The following PALM2AKAP2 variants were observed in gnomAD, a reference collection of about 807,000 sequenced individuals.
PALM2AKAP2 encodes PALM2 and AKAP2 fusion.
In PALM2AKAP2, 37 loss-of-function variants were observed where a neutral mutation model predicts 71.5. The ratio of observed to expected loss-of-function variants is 0.52; its 90% CI spans 0.40 to 0.68. The LOEUF is 0.68. PALM2AKAP2 is among the 30% of genes least tolerant of loss of function. The probability of loss-of-function intolerance (pLI) is 0.00; values close to 1 mark genes in which losing one functional copy is unlikely to be tolerated. For synonymous variants in PALM2AKAP2, 468 were observed against 478.8 expected, an observed-to-expected ratio of 0.98 and a Z score of 0.29; for missense variants, 1,224 against 1,191.8, an observed-to-expected ratio of 1.03 and a Z score of -0.40.
Position 109,891,834 on chromosome 9 carries a change from A to G in PALM2AKAP2, c.257+11153A>G, listed in dbSNP as rs541690673. 4.6e-5 allele frequency among the ~76,000 whole-genome samples: 7 copies of G among 152,210 alleles called. No homozygotes were observed. The East Asian group carries it at 1.4e-3, about 30-fold the overall frequency. ...AATGGTGGAGTAGCTCCCATGATGGATGTTATGAAAGGGTCTATGGGTGCA... is the reference window on the plus strand; with the variant it reads ...AATGGTGGAGTAGCTCCCATGATGGGTGTTATGAAAGGGTCTATGGGTGCA... On this transcript the variant is annotated intron_variant, in intron 3 of 9. Coordinates refer to the PALM2AKAP2 transcript ENST00000302798.
chr9:109,723,449 A>G (rs1431683235), intron 1 of PALM2AKAP2, among the ~76,000 whole-genome samples: 1 of 152,084 alleles, frequency 6.6e-6, no homozygotes, highest in Non-Finnish European at 1.5e-5. Context: ...GATGACCGAG[A>G]CCCCATTCCT....
chr9:109,693,435 G>T (rs986595427), intron 1 of PALM2AKAP2, among the ~76,000 whole-genome samples: 2 of 151,502 alleles, frequency 1.3e-5, no homozygotes, highest in Admixed American at 6.6e-5. Flanking sequence ...TTTTTTCTTG[G>T]TTTTTTATTT....
chr9:109,944,559 C>G (rs1048677854), intron 6 of PALM2AKAP2: 1 of 150,710 alleles, frequency 6.6e-6, no homozygotes. Context: ...GTTTATCTGC[C>G]CTTCAAAAAA....
At chr9:109,646,772 C>T (rs559545369) in intron 1 of PALM2AKAP2, among the ~76,000 whole-genome samples, 4 of 152,262 alleles carry the variant, frequency 2.6e-5, no homozygotes, top group East Asian at 1.9e-4. Context: ...AAGGAGCTTA[C>T]GGCTTAGTCT....
intron 1 of PALM2AKAP2, among the ~76,000 whole-genome samples, chr9:109,644,490 C>G (rs1357952654): frequency 6.6e-6 from 1 of 152,158 alleles, no homozygotes; most frequent in Non-Finnish European, 1.5e-5. Flanking sequence ...CACTGGTCAA[C>G]AAAACAGTCA....
At chr9:109,665,616 A>T (rs925576768) in intron 1 of PALM2AKAP2, among the ~76,000 whole-genome samples, 1 of 152,156 alleles carries the variant, frequency 6.6e-6, no homozygotes, top group Non-Finnish European at 1.5e-5. Flanking sequence ...CCCTACTGGG[A>T]GGTGTCTCCC....
chr9:110,154,656 T>C (rs1046197512), intron 2 of PALM2AKAP2, among the ~76,000 whole-genome samples: 5 of 152,238 alleles, frequency 3.3e-5, no homozygotes, highest in African/African-American at 1.2e-4. Flanking sequence ...TATTGTACTG[T>C]TAATATCAAA....
rs115187111 is a variant in PALM2AKAP2 at position 110,155,054 on chromosome 9, C to T, written c.2570-1265C>T. Among the ~76,000 whole-genome samples the T allele has an allele frequency of 3.5e-3, 538 of 152,316 alleles. 3 individuals carry two copies. The highest frequency in any genetic ancestry group is 0.012 in the African/African-American group (518 of 41,574). On this transcript the variant is annotated intron_variant, in intron 2 of 3. Coordinates refer to ENST00000374525, the Ensembl canonical transcript of PALM2AKAP2. ...GAGTTAAAAACCTGGGTTTCCTGGA[C>T]TCCAGGCCTTTGTATCTCTCATCAG...
chr9:109,982,079 A>C (rs779458489), intron 6 of PALM2AKAP2, among the ~76,000 whole-genome samples: 1 of 152,258 alleles, frequency 6.6e-6, no homozygotes, highest in Non-Finnish European at 1.5e-5. Context: ...TGGATAAAGA[A>C]AATGTGGTAC....
chr9:109,647,165 C>T (rs896651875), intron 1 of PALM2AKAP2, among the ~76,000 whole-genome samples: 1 of 152,032 alleles, frequency 6.6e-6, no homozygotes, highest in Non-Finnish European at 1.5e-5. Context: ...TGAAATCATA[C>T]CACATATGTT....
At chr9:109,675,034 G>A (rs1270932102) in intron 1 of PALM2AKAP2, among the ~76,000 whole-genome samples, 1 of 152,036 alleles carries the variant, frequency 6.6e-6, no homozygotes, top group Admixed American at 6.6e-5. Flanking sequence ...CTTTGTGTTA[G>A]ATGATTTTGC....
At chr9:109,653,644 T>C (rs1827255930) in intron 1 of PALM2AKAP2, among the ~76,000 whole-genome samples, 3 of 152,158 alleles carry the variant, frequency 2.0e-5, no homozygotes, top group African/African-American at 7.2e-5. Flanking sequence ...CCTGATTCTG[T>C]AGATAGGGGG....
chr9:109,748,478 A>T (rs1400144840), intron 1 of PALM2AKAP2, among the ~76,000 whole-genome samples: 1 of 152,168 alleles, frequency 6.6e-6, no homozygotes, highest in Non-Finnish European at 1.5e-5. Flanking sequence ...GGAGTCTAAA[A>T]GATGGCGATC....
At chr9:110,016,117 C>T in intron 7 of PALM2AKAP2, 78 bp downstream of exon 7, 1 of 1,346,072 alleles carries the variant, frequency 7.4e-7, no homozygotes, top group Non-Finnish European at 1.0e-6. Context: ...TTTCTGGGGG[C>T]AAAATGAACA....
chr9:109,962,506 T>C (rs774910041), intron 6 of PALM2AKAP2, among the ~76,000 whole-genome samples: 6 of 152,206 alleles, frequency 3.9e-5, no homozygotes, highest in South Asian at 2.1e-4. Flanking sequence ...AAACCTAAAA[T>C]ATTTATTGTC....
chr9:109,807,069 T>C (rs548962643), intron 1 of PALM2AKAP2, among the ~76,000 whole-genome samples: 8 of 152,118 alleles, frequency 5.3e-5, no homozygotes, highest in African/African-American at 1.9e-4. Context: ...GCAGAGGAGA[T>C]GGGGAATCCT....
At chr9:109,728,098 G>A (rs1476024297) in intron 1 of PALM2AKAP2, among the ~76,000 whole-genome samples, 1 of 152,200 alleles carries the variant, frequency 6.6e-6, no homozygotes, top group Non-Finnish European at 1.5e-5. Flanking sequence ...AGCTTCTTGA[G>A]AAGCAAGGGT....
chr9:109,872,608 T>G (rs1829629441), intron 2 of PALM2AKAP2, among the ~76,000 whole-genome samples: 1 of 152,224 alleles, frequency 6.6e-6, no homozygotes, highest in African/African-American at 2.4e-5. Context: ...AAATTGTCAT[T>G]ATATTTGGAA....
At chr9:109,873,520 A>G (rs916649467) in intron 2 of PALM2AKAP2, among the ~76,000 whole-genome samples, 3 of 152,132 alleles carry the variant, frequency 2.0e-5, no homozygotes, top group East Asian at 1.9e-4. Context: ...TATTCCAACC[A>G]TCATCCACTA....
Sources: allele counts gnomAD v4.1 joint callset (sites outside exome capture counted in the v4.1 genomes callset), GRCh38; gene constraint gnomAD v4.1.1; transcripts MANE v1.5; gene names NCBI Gene and HGNC (gene_info 2026-07-23, HGNC 2026-07-21).